The following TACR3 variants were observed in gnomAD, a reference collection of about 807,000 sequenced individuals.
The protein encoded by TACR3 is tachykinin receptor 3.
In TACR3, 34 loss-of-function variants were observed where a neutral mutation model predicts 35.0. The ratio of observed to expected loss-of-function variants is 0.97; its 90% CI spans 0.74 to 1.30. The LOEUF is 1.30. TACR3 is among the 50% of genes most tolerant of loss of function. TACR3 has a pLI of 0.00. For synonymous variants in TACR3, 233 were observed against 221.1 expected, an observed-to-expected ratio of 1.05 and a Z score of -0.48; for missense variants, 558 against 591.7, an observed-to-expected ratio of 0.94 and a Z score of 0.59.
At chr4:103,598,041 G>A (rs199509306) in intron 3 of TACR3, among the ~76,000 whole-genome samples, 15 of 152,126 alleles carry the variant, frequency 9.9e-5, no homozygotes, top group South Asian at 8.3e-4. Flanking sequence ...GACTTCCACA[G>A]TGGTTGAACT....
At chr4:103,716,308 T>C (rs1723090661) in intron 1 of TACR3, among the ~76,000 whole-genome samples, 1 of 151,572 alleles carries the variant, frequency 6.6e-6, no homozygotes, top group Non-Finnish European at 1.5e-5. Context: ...AGTAGACTTC[T>C]AGGCAAGAAG....
chr4:103,608,302 C>G (rs921506430), intron 3 of TACR3, among the ~76,000 whole-genome samples: 7 of 151,916 alleles, frequency 4.6e-5, no homozygotes, highest in Non-Finnish European at 7.4e-5. Context: ...GAATTAAAAC[C>G]GAAATAGAAA....
chr4:103,691,725 C>G (rs578060045), intron 1 of TACR3, among the ~76,000 whole-genome samples: 2 of 152,154 alleles, frequency 1.3e-5, no homozygotes, highest in Non-Finnish European at 2.9e-5. Context: ...GAACACCCGG[C>G]CTGCCCAGGG....
In TACR3 at chr4:103,719,416, A is replaced by G; in HGVS notation, c.260T>C (p.Leu87Pro). Residue 87 changes from leucine to proline, a missense_variant, in exon 1 of 5, where the codon CTC (leucine) becomes CCC (proline). Physicochemically the swap from Leu to Pro is moderately conservative, Grantham distance 98. Coordinates refer to ENST00000304883, the MANE Select transcript of TACR3 (RefSeq NM_001059.3). ...QFVQPSWRIA[L>P]WSLAYGVVVA... ...CACCACACCATACGCCAGGGACCAG[A>G]GCGCGATGCGCCAGGACGGCTGCAC... The G allele has an allele frequency of 1.9e-6, 3 of 1,614,228 alleles. No homozygotes were observed. The highest frequency in any genetic ancestry group is 1.7e-6 in the Non-Finnish European group (2 of 1,180,034).
chr4:103,627,642 A>C (rs1482819242), intron 3 of TACR3, among the ~76,000 whole-genome samples: 3 of 152,182 alleles, frequency 2.0e-5, no homozygotes, highest in Admixed American at 1.3e-4. Flanking sequence ...AGATTCATAA[A>C]GCAAGTCCTT....
At chr4:103,631,241 G>A (rs1459736903) in intron 3 of TACR3, among the ~76,000 whole-genome samples, 2 of 152,036 alleles carry the variant, frequency 1.3e-5, no homozygotes, top group Admixed American at 1.3e-4. Flanking sequence ...ACGAGTTGAT[G>A]AGTGCAGCAA....
intron 1 of TACR3, among the ~76,000 whole-genome samples, chr4:103,690,648 T>A (rs867992724): frequency 6.6e-6 from 1 of 152,134 alleles, no homozygotes; most frequent in African/African-American, 2.4e-5. Flanking sequence ...ATTTATAGAA[T>A]ACTCAATCTA....
At chr4:103,590,051 T>A (rs1163082431) in intron 4 of TACR3, 57 bp from the exon 5 acceptor site, 6 of 1,562,252 alleles carry the variant, frequency 3.8e-6, no homozygotes, top group Non-Finnish European at 5.2e-6. Flanking sequence ...GATATGTCTT[T>A]CAGCTGCCAC....
At chr4:103,635,248 G>A (rs1725160691) in intron 3 of TACR3, among the ~76,000 whole-genome samples, 1 of 151,846 alleles carries the variant, frequency 6.6e-6, no homozygotes, top group African/African-American at 2.4e-5. Flanking sequence ...AGATCAAAGT[G>A]CATATATTTT....
At chr4:103,704,897 C>T (rs190368951) in intron 1 of TACR3, among the ~76,000 whole-genome samples, 10 of 152,202 alleles carry the variant, frequency 6.6e-5, no homozygotes, top group Admixed American at 2.6e-4. Flanking sequence ...TTCATGTTAA[C>T]GTTACCATAT....
intron 1 of TACR3, among the ~76,000 whole-genome samples, chr4:103,678,560 A>G (rs1049189364): frequency 6.6e-6 from 1 of 152,148 alleles, no homozygotes; most frequent in African/African-American, 2.4e-5. Flanking sequence ...AACTTTAAAA[A>G]TCACCTCCAT....
intron 1 of TACR3, among the ~76,000 whole-genome samples, chr4:103,707,996 C>T (rs1049460679): frequency 9.2e-5 from 14 of 152,288 alleles, no homozygotes; most frequent in East Asian, 3.9e-4. Context: ...GTAAACAAAG[C>T]GGCCAGGAAG....
At chr4:103,619,692 C>G (rs1724735428) in intron 3 of TACR3, among the ~76,000 whole-genome samples, 1 of 152,158 alleles carries the variant, frequency 6.6e-6, no homozygotes, top group East Asian at 1.9e-4. Context: ...AGGTGTATTC[C>G]TTTGAACTCT....
At chr4:103,697,739 T>TAAC (rs1722555642) in intron 1 of TACR3, among the ~76,000 whole-genome samples, 1 of 152,198 alleles carries the variant, frequency 6.6e-6, no homozygotes. Context: ...TTGTGTTATT[T>TAAC]AACTAAACAT....
At chr4:103,700,078 C>T (rs975209666) in intron 1 of TACR3, among the ~76,000 whole-genome samples, 1 of 152,130 alleles carries the variant, frequency 6.6e-6, no homozygotes, top group Non-Finnish European at 1.5e-5. Context: ...AATACACAAA[C>T]AGCGAGTCAT....
intron 1 of TACR3, among the ~76,000 whole-genome samples, chr4:103,680,929 A>G (rs1394330769): frequency 6.6e-6 from 1 of 151,880 alleles, no homozygotes; most frequent in Admixed American, 6.6e-5. Flanking sequence ...GAAAACTCTA[A>G]TTATAGGAGT....
chr4:103,614,618 G>T lies in TACR3; in HGVS notation c.889-22935C>A, dbSNP rs143657203. 5.1e-3 allele frequency among the ~76,000 whole-genome samples: 781 copies of T among 152,160 alleles called. 3 individuals are homozygous for T. The highest frequency in any genetic ancestry group is 0.018 in the African/African-American group (743 of 41,534). Reference sequence around the variant, plus strand: ...TACGTTAGTATATTGGATATAGTAAGAATATTGATGTTCAGAAAGATTAAG... The same window carrying T: ...TACGTTAGTATATTGGATATAGTAATAATATTGATGTTCAGAAAGATTAAG... On this transcript the variant is annotated intron_variant, in intron 3 of 4. Transcript: ENST00000304883.
intron 1 of TACR3, among the ~76,000 whole-genome samples, chr4:103,661,026 A>C (rs1725829539): frequency 6.6e-6 from 1 of 152,112 alleles, no homozygotes; most frequent in Admixed American, 6.6e-5. Flanking sequence ...AATGATCCAG[A>C]TAATAAGAGA....
At chr4:103,632,117 A>G (rs745483150) in intron 3 of TACR3, among the ~76,000 whole-genome samples, 7 of 152,166 alleles carry the variant, frequency 4.6e-5, no homozygotes, top group Non-Finnish European at 8.8e-5. Flanking sequence ...ATTAAAAACA[A>G]CTCAATCAAG....
Sources: gnomAD v4.1 joint callset for allele counts (sites outside exome capture counted in the v4.1 genomes callset) on GRCh38, gnomAD v4.1.1 for gene constraint, MANE v1.5 for transcripts, NCBI Gene and HGNC (gene_info 2026-07-23, HGNC 2026-07-21) for gene names.